The following CACNA2D1 variants were observed in gnomAD, a reference collection of about 807,000 sequenced individuals.
CACNA2D1 encodes voltage-dependent calcium channel subunit alpha-2/delta-1.
CACNA2D1 carries 53 observed loss-of-function variants against 171.5 expected under a neutral mutation model. The observed-to-expected ratio is 0.31, with a 90% CI of 0.25 to 0.39. The LOEUF (loss-of-function observed/expected upper bound fraction) is 0.39. Among genes scored for constraint, CACNA2D1 ranks in the 10% least tolerant of loss-of-function variants. The probability of loss-of-function intolerance (pLI) is 1.00; values close to 1 mark genes in which losing one functional copy is unlikely to be tolerated. For synonymous variants in CACNA2D1, 442 were observed against 443.1 expected, an observed-to-expected ratio of 1.00 and a Z score of 0.03; for missense variants, 903 against 1,299.8, an observed-to-expected ratio of 0.69 and a Z score of 4.69.
At chr7:82,363,717 T>A (rs957066789) in intron 1 of CACNA2D1, among the ~76,000 whole-genome samples, 2 of 152,070 alleles carry the variant, frequency 1.3e-5, no homozygotes, top group East Asian at 3.9e-4. Flanking sequence ...ATAATAAACA[T>A]CTTACATATG....
chr7:82,156,280 T>C (rs561806707), intron 4 of CACNA2D1, among the ~76,000 whole-genome samples: 319 of 152,288 alleles, frequency 2.1e-3, no homozygotes, highest in Non-Finnish European at 3.3e-3. Flanking sequence ...TAGTTACTTG[T>C]TTTGTTGACT....
intron 38 of CACNA2D1, among the ~76,000 whole-genome samples, chr7:81,958,947 ATTAAC>A (rs1793769089): frequency 1.3e-5 from 2 of 152,126 alleles, no homozygotes; most frequent in Admixed American, 1.3e-4. Context: ...ATATAATAAA[ATTAAC>A]TTTTATATCT....
chr7:82,267,276 T>C (rs1305220743), intron 3 of CACNA2D1, among the ~76,000 whole-genome samples: 2 of 152,246 alleles, frequency 1.3e-5, no homozygotes, highest in Non-Finnish European at 2.9e-5. Flanking sequence ...TGTGTGAGTG[T>C]GCGTGTATAA....
chr7:81,963,801 G>T (rs1217563246), intron 34 of CACNA2D1, among the ~76,000 whole-genome samples: 1 of 151,770 alleles, frequency 6.6e-6, no homozygotes, highest in East Asian at 1.9e-4. Context: ...ATATGTAGAG[G>T]AAGGAAGACT....
rs780624106 is a variant in CACNA2D1, at chr7:82,443,484, C to A, written c.-25G>T. 5.0e-6 allele frequency: 8 copies of A among 1,602,602 alleles called. No homozygotes were observed. Among genetic ancestry groups the A allele is most frequent in the Admixed American group, 1.7e-5 (1 of 59,042 alleles). ...TCTTCGCGATCGAAGATCAATGCCCCCTCCCTGCCCAAGCGGGGGAAGGAG... is the reference window on the plus strand; with the variant it reads ...TCTTCGCGATCGAAGATCAATGCCCACTCCCTGCCCAAGCGGGGGAAGGAG... On this transcript the variant is annotated 5_prime_UTR_variant, in exon 1 of 39. Coordinates refer to ENST00000356860, the MANE Select transcript of CACNA2D1 (RefSeq NM_000722.4).
At chr7:81,972,450 G>A (rs1746766280) in intron 25 of CACNA2D1, among the ~76,000 whole-genome samples, 1 of 151,672 alleles carries the variant, frequency 6.6e-6, no homozygotes, top group Admixed American at 6.6e-5. Flanking sequence ...GCCGCATATC[G>A]AGGAGCAAGG....
At chr7:82,015,498 A>C (rs1800339135) in intron 12 of CACNA2D1, among the ~76,000 whole-genome samples, 1 of 152,150 alleles carries the variant, frequency 6.6e-6, no homozygotes, top group African/African-American at 2.4e-5. Flanking sequence ...AATTTAAATA[A>C]TAGTGTGAAA....
chr7:82,428,417 AT>A (rs1435483645), intron 1 of CACNA2D1, among the ~76,000 whole-genome samples: 1 of 152,146 alleles, frequency 6.6e-6, no homozygotes, highest in Non-Finnish European at 1.5e-5. Context: ...GTTGCATTTT[AT>A]TTATTTATTT....
intron 1 of CACNA2D1, among the ~76,000 whole-genome samples, chr7:82,394,366 A>G (rs1439843555): frequency 3.3e-5 from 5 of 152,160 alleles, no homozygotes; most frequent in Non-Finnish European, 7.4e-5. Flanking sequence ...GACGAAACAA[A>G]GGAAAAATAG....
chr7:82,343,814 T>C (rs1015088870), intron 2 of CACNA2D1, among the ~76,000 whole-genome samples: 23 of 152,182 alleles, frequency 1.5e-4, no homozygotes, highest in African/African-American at 4.6e-4. Flanking sequence ...TTAAAAATAA[T>C]TAACCATAGG....
chr7:82,014,520 A>C (rs145015419), intron 12 of CACNA2D1, 41 bp from the exon 13 acceptor site: 83 of 1,013,750 alleles, frequency 8.2e-5, no homozygotes, highest in Middle Eastern at 4.4e-4. Flanking sequence ...GGCTGAATAA[A>C]ATTTAATTCA....
chr7:82,397,822 T>C (rs770907941), intron 1 of CACNA2D1, among the ~76,000 whole-genome samples: 3 of 152,166 alleles, frequency 2.0e-5, no homozygotes, highest in Non-Finnish European at 4.4e-5. Context: ...GCTAACACCG[T>C]AGCAGAGTCA....
intron 1 of CACNA2D1, among the ~76,000 whole-genome samples, chr7:82,356,904 C>A (rs1304612276): frequency 6.6e-6 from 1 of 152,034 alleles, no homozygotes; most frequent in Admixed American, 6.6e-5. Context: ...GTCTTATAAT[C>A]CTTCTCTGTC....
At chr7:81,981,149 ACATGGGTGGCTTGTGGT>A (rs1422670532) in intron 24 of CACNA2D1, among the ~76,000 whole-genome samples, 1 of 152,208 alleles carries the variant, frequency 6.6e-6, no homozygotes, top group East Asian at 1.9e-4. Context: ...GGCAGAGAAC[ACATGGGTGGCTTGTGGT>A]CTGAATGCAG....
At position 82,235,909 on chromosome 7, in the gene CACNA2D1, C is replaced by G. The variant is rs573374479; in HGVS notation, c.295-65300G>C. Among the ~76,000 whole-genome samples, 371 of 152,188 alleles carry G rather than the reference C, an allele frequency of 2.4e-3. 2 individuals are homozygous for G. The highest frequency in any genetic ancestry group is 8.0e-3 in the African/African-American group (331 of 41,534). ...CTCTGTACTAAGGAAATGGATATTT[C>G]CATGACTCATTCCCCTCATTCATCT... On this transcript the variant is annotated intron_variant, in intron 3 of 38. Transcript: ENST00000356860.
intron 3 of CACNA2D1, among the ~76,000 whole-genome samples, chr7:82,260,538 T>C (rs1806933064): frequency 6.6e-6 from 1 of 152,186 alleles, no homozygotes; most frequent in African/African-American, 2.4e-5. Flanking sequence ...AAATATGACT[T>C]TAAAGACATC....
Position 81,997,455 on chromosome 7 carries a change from C to CTTAA in CACNA2D1, c.1591-209_1591-206dup, listed in dbSNP as rs113345131. ...AGATTGAGCTTTAAGTGCAGGAAAT[C>CTTAA]TTAATAAGCAAGTGAAGACAGTGTC... On this transcript the variant is annotated intron_variant, in intron 18 of 38. Transcript: ENST00000356860. Among the ~76,000 whole-genome samples, 5,033 of 151,052 alleles carry CTTAA rather than the reference C, an allele frequency of 0.033. 264 individuals are homozygous for CTTAA. The highest frequency in any genetic ancestry group is 0.11 in the African/African-American group (4,482 of 41,232).
intron 3 of CACNA2D1, among the ~76,000 whole-genome samples, chr7:82,192,465 TGTGTGTG>T (rs1563182475): frequency 0.21 from 351 of 1,676 alleles, 2 homozygotes; most frequent in African/African-American, 0.37. Flanking sequence ...TGTGTTTGTG[TGTGTGTG>T]TGTGTGTGTG....
chr7:82,168,108 C>A (rs1178071341), intron 4 of CACNA2D1, among the ~76,000 whole-genome samples: 3 of 152,026 alleles, frequency 2.0e-5, no homozygotes, highest in African/African-American at 7.2e-5. Flanking sequence ...ATACAGCATA[C>A]AATTGCTGAT....
Sources: allele counts gnomAD v4.1 joint callset (sites outside exome capture counted in the v4.1 genomes callset), GRCh38; gene constraint gnomAD v4.1.1; transcripts MANE v1.5; gene names NCBI Gene and HGNC (gene_info 2026-07-23, HGNC 2026-07-21).